CCBE1: variants seen among roughly 807,000 people sequenced by gnomAD.
The protein encoded by CCBE1 is collagen and calcium binding EGF domains 1.
A neutral mutation model predicts 50.0 loss-of-function variants in CCBE1; 37 were observed. The ratio of observed to expected loss-of-function variants is 0.74; its 90% CI spans 0.57 to 0.97. CCBE1 has a LOEUF of 0.97. Among genes scored for constraint, CCBE1 ranks in the 50% least tolerant of loss-of-function variants. The probability of loss-of-function intolerance (pLI) is 0.00; values close to 1 mark genes in which losing one functional copy is unlikely to be tolerated. For missense variants in CCBE1, 538 were observed against 523.8 expected, an observed-to-expected ratio of 1.03 and a Z score of -0.26; for synonymous variants, 234 against 203.7, an observed-to-expected ratio of 1.15 and a Z score of -1.27.
At chr18:59,443,731 A>G (rs949305505) in intron 7 of CCBE1, among the ~76,000 whole-genome samples, 1 of 152,112 alleles carries the variant, frequency 6.6e-6, no homozygotes, top group Non-Finnish European at 1.5e-5. Flanking sequence ...AGCCTCCCCA[A>G]AGTGCTGGGA....
At chr18:59,681,846 AGTCGAGATGATCACCCTT>A in intron 2 of CCBE1, among the ~76,000 whole-genome samples, 1 of 152,380 alleles carries the variant, frequency 6.6e-6, no homozygotes, top group East Asian at 1.9e-4. Context: ...AGTCTCCCTC[AGTCGAGATGATCACCCTT>A]GTGTTAAGCA....
intron 2 of CCBE1, among the ~76,000 whole-genome samples, chr18:59,528,446 C>A (rs982603709): frequency 4.6e-5 from 7 of 150,838 alleles, no homozygotes; most frequent in South Asian, 2.1e-4. Flanking sequence ...TTATTACCCA[C>A]CTTCTGAAGC....
At chr18:59,641,107 C>A (rs10445542) in intron 2 of CCBE1, among the ~76,000 whole-genome samples, 1 of 151,884 alleles carries the variant, frequency 6.6e-6, no homozygotes, top group Non-Finnish European at 1.5e-5. Context: ...CCCTCAATCC[C>A]ATTACTATTA....
At chr18:59,684,517 T>TA (rs1366634702) in intron 2 of CCBE1, among the ~76,000 whole-genome samples, 1 of 152,246 alleles carries the variant, frequency 6.6e-6, no homozygotes, top group Non-Finnish European at 1.5e-5. Context: ...TAGCAAGCTC[T>TA]GAAATGTATT....
intron 2 of CCBE1, among the ~76,000 whole-genome samples, chr18:59,534,565 C>T (rs1208943869): frequency 6.6e-6 from 1 of 152,200 alleles, no homozygotes; most frequent in Non-Finnish European, 1.5e-5. Context: ...GTGATTCTCA[C>T]AGTGTGGTCT....
chr18:59,511,090 G>A lies in CCBE1; in HGVS notation c.213-30852C>T, dbSNP rs1370748529. ...ATTCACCACTCCCTACCAGAGTCCT[G>A]TGTCTTCAGGACTTTCTTTCCAGCA... On this transcript the variant is annotated intron_variant, in intron 2 of 10. Transcript: ENST00000439986. 3.3e-5 allele frequency among the ~76,000 whole-genome samples: 5 copies of A among 152,282 alleles called. No individual in the cohort carries two copies. The East Asian group carries it at 9.7e-4, about 29-fold the overall frequency.
At chr18:59,571,381 A>G (rs1481172324) in intron 2 of CCBE1, among the ~76,000 whole-genome samples, 1 of 151,910 alleles carries the variant, frequency 6.6e-6, no homozygotes, top group African/African-American at 2.4e-5. Context: ...GCAAGGACAG[A>G]AAACCAAACA....
At chr18:59,661,580 G>A (rs1037072142) in intron 2 of CCBE1, among the ~76,000 whole-genome samples, 14 of 152,176 alleles carry the variant, frequency 9.2e-5, no homozygotes, top group Admixed American at 8.5e-4. Context: ...GAAACACAGC[G>A]TGAGGTTCCC....
intron 2 of CCBE1, among the ~76,000 whole-genome samples, chr18:59,630,104 G>A (rs1599080417): frequency 6.6e-6 from 1 of 152,164 alleles, no homozygotes; most frequent in Non-Finnish European, 1.5e-5. Context: ...AGGCCCCCTG[G>A]GGACCAGTAA....
At chr18:59,635,630 T>A (rs892014142) in intron 2 of CCBE1, among the ~76,000 whole-genome samples, 46 of 152,172 alleles carry the variant, frequency 3.0e-4, no homozygotes, top group African/African-American at 1.1e-3. Flanking sequence ...AGAAGATATT[T>A]GTGAACAATA....
chr18:59,682,237 C>T (rs1168746912), intron 2 of CCBE1, among the ~76,000 whole-genome samples: 1 of 152,156 alleles, frequency 6.6e-6, no homozygotes, highest in Non-Finnish European at 1.5e-5. Context: ...TGGCATGCAC[C>T]TGTAGTCCCA....
chr18:59,606,817 C>A (rs1304515372), intron 2 of CCBE1, among the ~76,000 whole-genome samples: 1 of 152,190 alleles, frequency 6.6e-6, no homozygotes, highest in East Asian at 1.9e-4. Flanking sequence ...TCTCTCACTA[C>A]ATATTTCGAC....
At chr18:59,459,446 C>T (rs1338315543) in intron 5 of CCBE1, among the ~76,000 whole-genome samples, 2 of 152,176 alleles carry the variant, frequency 1.3e-5, no homozygotes. Context: ...TCAATCCTCT[C>T]AACTAATGCT....
At chr18:59,613,397 G>A (rs1210182461) in intron 2 of CCBE1, among the ~76,000 whole-genome samples, 4 of 152,084 alleles carry the variant, frequency 2.6e-5, no homozygotes, top group African/African-American at 9.7e-5. Context: ...ATTAGTATTC[G>A]ATGTATTGAA....
intron 2 of CCBE1, among the ~76,000 whole-genome samples, chr18:59,515,149 G>A (rs532013712): frequency 6.6e-6 from 1 of 152,336 alleles, no homozygotes; most frequent in African/African-American, 2.4e-5. Context: ...AGGAGAACTA[G>A]AATGAGGCCC....
intron 2 of CCBE1, among the ~76,000 whole-genome samples, chr18:59,582,072 C>T (rs1568217507): frequency 6.6e-6 from 1 of 152,108 alleles, no homozygotes. Context: ...CTCACAAAAC[C>T]TGTGGACCCA....
chr18:59,672,321 G>A (rs773339094), intron 2 of CCBE1, among the ~76,000 whole-genome samples: 12 of 152,146 alleles, frequency 7.9e-5, no homozygotes, highest in Non-Finnish European at 7.4e-5. Context: ...ACAAGCTGCC[G>A]CTGTCCCAAA....
intron 2 of CCBE1, among the ~76,000 whole-genome samples, chr18:59,518,021 G>C (rs557582821): frequency 1.3e-5 from 2 of 152,182 alleles, no homozygotes; most frequent in Admixed American, 1.3e-4. Context: ...GTTGGGGGCG[G>C]AGGAAACTTG....
chr18:59,604,461 C>G (rs1233291473), intron 2 of CCBE1, among the ~76,000 whole-genome samples: 1 of 152,182 alleles, frequency 6.6e-6, no homozygotes, highest in Non-Finnish European at 1.5e-5. Context: ...ATGAGGGTCT[C>G]AAACTGGCCC....
Sources: gnomAD v4.1 joint callset for allele counts (sites outside exome capture counted in the v4.1 genomes callset) on GRCh38, gnomAD v4.1.1 for gene constraint, MANE v1.5 for transcripts, NCBI Gene and HGNC (gene_info 2026-07-23, HGNC 2026-07-21) for gene names.